The following PTGES3 variants were observed in gnomAD, a reference collection of about 807,000 sequenced individuals.
PTGES3 encodes prostaglandin E synthase 3.
PTGES3 carries 5 observed loss-of-function variants against 29.9 expected under a neutral mutation model. That is an observed-to-expected ratio of 0.17 (90% CI 0.09 to 0.35). The LOEUF (loss-of-function observed/expected upper bound fraction) is 0.35, where lower values mean the gene tolerates loss of function less well. Ranked by LOEUF, PTGES3 falls within the 10% of genes least tolerant of loss-of-function variation. PTGES3 has a pLI of 1.00. For missense variants in PTGES3, 128 were observed against 190.0 expected (o/e 0.67, Z 1.92); for synonymous variants, 49 against 57.8 (o/e 0.85, Z 0.69).
At chr12:56,666,415 G>C (rs906210766) in intron 5 of PTGES3, 149 bp from the exon 6 acceptor site, 4 of 1,023,688 alleles carry the variant, frequency 3.9e-6, no homozygotes, top group African/African-American at 3.4e-5. Flanking sequence ...TCTGGAAAAG[G>C]AAGATTATAG....
At chr12:56,683,422 G>A (rs892134245) in intron 1 of PTGES3, among the ~76,000 whole-genome samples, 4 of 129,214 alleles carry the variant, frequency 3.1e-5, no homozygotes, top group African/African-American at 1.2e-4. Flanking sequence ...GCGGTGAGCC[G>A]AGACCGTGAC....
intron 5 of PTGES3, among the ~76,000 whole-genome samples, chr12:56,669,969 TAAAAAAAA>T (rs5798391): frequency 1.5e-5 from 2 of 133,472 alleles, no homozygotes; most frequent in East Asian, 2.2e-4. Flanking sequence ...AATCATGCTT[TAAAAAAAA>T]AAAAAAAAAA....
intron 3 of PTGES3, 116 bp downstream of exon 3, chr12:56,672,624 A>T: frequency 8.4e-7 from 1 of 1,184,942 alleles, no homozygotes; most frequent in South Asian, 2.4e-5. Flanking sequence ...ATGTAAATAT[A>T]CATAGTTTGC....
At chr12:56,664,604 A>G in intron 7 of PTGES3, 106 bp from the exon 8 acceptor site, 1 of 1,389,464 alleles carries the variant, frequency 7.2e-7, no homozygotes, top group Non-Finnish European at 9.9e-7. Context: ...TAGTTGCCCA[A>G]TGAATTAATA....
intron 1 of PTGES3, among the ~76,000 whole-genome samples, chr12:56,675,290 A>C (rs1952184552): frequency 6.6e-6 from 1 of 151,472 alleles, no homozygotes; most frequent in Non-Finnish European, 1.5e-5. Flanking sequence ...ACAGAGCAAG[A>C]CTCTGTCTCA....
At chr12:56,678,744 G>A (rs985833154) in intron 1 of PTGES3, among the ~76,000 whole-genome samples, 1 of 152,170 alleles carries the variant, frequency 6.6e-6, no homozygotes, top group Non-Finnish European at 1.5e-5. Context: ...GACTATAGAG[G>A]ATTTTAGGTT....
chr12:56,687,484 T>C (rs1952931328), intron 1 of PTGES3: 3 of 991,592 alleles, frequency 3.0e-6, no homozygotes, highest in Non-Finnish European at 3.6e-6. Flanking sequence ...TCCTTCTAGT[T>C]GCCTAGCAGT....
intron 1 of PTGES3, among the ~76,000 whole-genome samples, chr12:56,678,652 T>C (rs969535591): frequency 2.0e-5 from 3 of 152,216 alleles, no homozygotes; most frequent in African/African-American, 2.4e-5. Context: ...ACTCACCAGA[T>C]ACTAACATAT....
chr12:56,679,126 T>C (rs965621348), intron 1 of PTGES3, among the ~76,000 whole-genome samples: 3 of 151,606 alleles, frequency 2.0e-5, no homozygotes, highest in African/African-American at 7.3e-5. Context: ...TAGAGAAGCA[T>C]GGAGACCAGG....
At chr12:56,670,480 T>A in intron 4 of PTGES3, 116 bp from the exon 5 acceptor site, 1 of 720,880 alleles carries the variant, frequency 1.4e-6, no homozygotes, top group Non-Finnish European at 2.4e-6. Flanking sequence ...TTGCCCAGGC[T>A]GGAGTGCAGC....
intron 7 of PTGES3, 86 bp downstream of exon 7, chr12:56,664,689 AC>A (rs1951723905): frequency 4.0e-6 from 6 of 1,486,318 alleles, no homozygotes; most frequent in Non-Finnish European, 5.5e-6. Context: ...AAATTACTTT[AC>A]TTCCAAAGAA....
chr12:56,680,520 G>C, intron 1 of PTGES3, among the ~76,000 whole-genome samples: 1 of 152,052 alleles, frequency 6.6e-6, no homozygotes, highest in East Asian at 1.9e-4. Flanking sequence ...CAAGTAGCTG[G>C]GGTTACAGGC....
intron 1 of PTGES3, among the ~76,000 whole-genome samples, chr12:56,680,781 GTTTT>G (rs11302495): frequency 7.0e-6 from 1 of 141,846 alleles, no homozygotes; most frequent in Non-Finnish European, 1.5e-5. Flanking sequence ...TTTTTTAAAA[GTTTT>G]TTTTTTTTTT....
chr12:56,672,047 T>TC (rs1305224163), intron 3 of PTGES3, among the ~76,000 whole-genome samples, 200 bp from the exon 4 acceptor site: 1 of 152,182 alleles, frequency 6.6e-6, no homozygotes, highest in African/African-American at 2.4e-5. Context: ...AATTTTTTTT[T>TC]CCCTTCTATT....
chr12:56,669,969 T>TA (rs5798391), intron 5 of PTGES3, among the ~76,000 whole-genome samples: 77,054 of 133,362 alleles, frequency 0.58, 23,055 homozygotes, highest in East Asian at 0.74. Flanking sequence ...AATCATGCTT[T>TA]AAAAAAAAAA....
chr12:56,685,397 TTC>T lies in PTGES3; in HGVS notation c.2+2599_2+2600del, dbSNP rs923040648. Among the ~76,000 whole-genome samples, 3 of 101,044 alleles carry T rather than the reference TTC, an allele frequency of 3.0e-5. 1 individual carries two copies. Among genetic ancestry groups the T allele is most frequent in the African/African-American group, 1.6e-4 (3 of 19,338 alleles). 66.3% of individuals were successfully genotyped at this position (101,044 alleles called of 152,430 possible). On this transcript the variant is annotated intron_variant, in intron 1 of 7. Coordinates refer to ENST00000262033, the MANE Select transcript of PTGES3 (RefSeq NM_006601.7). ...CGTTTTGAAGGTAGCATTTTTTCTT[TTC>T]TTTTTTTTTTTTTTTTTTTTTAAGA...
chr12:56,683,945 G>A (rs1179323168), intron 1 of PTGES3, among the ~76,000 whole-genome samples: 4 of 116,450 alleles, frequency 3.4e-5, no homozygotes, highest in South Asian at 2.9e-4. Context: ...GGGCGACAGC[G>A]AAACTCCGTC....
At position 56,666,032 on chromosome 12, in the gene PTGES3, T is replaced by C. The variant is rs1435849361; in HGVS notation, c.438+172A>G. On this transcript the variant is annotated intron_variant, in intron 6 of 7. Transcript: ENST00000262033. ...GTCTACGGTACAACCAGTTCCCTAA[T>C]AGATACCCCCATTCGTCAAAAATGG... 1.1e-5 allele frequency: 15 copies of C among 1,383,294 alleles called. No homozygotes were observed. In the East Asian group the frequency reaches 1.6e-4, roughly 15 times the overall value. The allele number at this position is 1,383,294 out of a possible 1,614,324, so 85.7% of individuals were successfully genotyped here. A position where few individuals can be genotyped will look rare whatever the true frequency, so the allele number is the denominator to read the frequency against.
At position 56,663,726 on chromosome 12, in the gene PTGES3, G is replaced by A. The variant is rs1951689196; in HGVS notation, c.*753C>T. ...AAAAGGAAATAAAAAATCCAATAGT[G>A]TATTAAACATTTTTCACTCATTTGC... is the stretch of plus-strand genomic sequence containing the variant. On this transcript the variant is annotated 3_prime_UTR_variant, in exon 8 of 8. Transcript: ENST00000262033. 1 of 123,414 alleles carries A rather than the reference G, an allele frequency of 8.1e-6. No homozygotes were observed. Among genetic ancestry groups the A allele is most frequent in the East Asian group, 2.0e-4 (1 of 4,924 alleles). The allele number at this position is 123,414 out of a possible 1,614,324, so 7.6% of individuals were successfully genotyped here.
Sources: gnomAD v4.1 joint callset for allele counts (sites outside exome capture counted in the v4.1 genomes callset) on GRCh38, gnomAD v4.1.1 for gene constraint, MANE v1.5 for transcripts, NCBI Gene and HGNC (gene_info 2026-07-23, HGNC 2026-07-21) for gene names.